NEK7: variants seen among roughly 807,000 people sequenced by gnomAD.
NEK7 encodes serine/threonine-protein kinase Nek7.
NEK7 carries 18 observed loss-of-function variants against 44.6 expected under a neutral mutation model. The observed-to-expected ratio is 0.40, with a 90% confidence interval of 0.28 to 0.60. NEK7 has a LOEUF of 0.60. NEK7 is among the 20% of genes least tolerant of loss of function. The pLI, the probability that NEK7 is intolerant of heterozygous loss-of-function variation, is 0.38. For synonymous variants in NEK7, 130 were observed against 121.1 expected (o/e 1.07, Z -0.48); for missense variants, 256 against 366.5 (o/e 0.70, Z 2.46).
intron 2 of NEK7, 57 bp from the exon 3 acceptor site, chr1:198,252,983 G>T: frequency 1.4e-6 from 2 of 1,409,994 alleles, no homozygotes; most frequent in Non-Finnish European, 2.0e-6. Context: ...ATCAGTGATT[G>T]TGTGTATTGC....
In NEK7 at chr1:198,195,053, T is replaced by C. The variant is rs115383326; in HGVS notation, c.-28-37500T>C. ...CTTTGACTGGTGTGAGACGAAGATATTGATATTTGATATTGACAGTGGAGA... is the reference window on the plus strand; with the variant it reads ...CTTTGACTGGTGTGAGACGAAGATACTGATATTTGATATTGACAGTGGAGA... On this transcript the variant is annotated intron_variant, in intron 1 of 9. Transcript: ENST00000367385. Among the ~76,000 whole-genome samples, 1,433 of 152,230 alleles carry C rather than the reference T, an allele frequency of 9.4e-3. 20 individuals carry two copies. The highest frequency in any genetic ancestry group is 0.028 in the African/African-American group (1,182 of 41,540).
At chr1:198,310,760 A>G (rs1263260058) in intron 9 of NEK7, among the ~76,000 whole-genome samples, 1 of 151,814 alleles carries the variant, frequency 6.6e-6, no homozygotes, top group Non-Finnish European at 1.5e-5. Flanking sequence ...GATACGTGGC[A>G]TTATTTCTGA....
intron 1 of NEK7, among the ~76,000 whole-genome samples, chr1:198,180,974 G>A (rs1447626496): frequency 6.6e-6 from 1 of 151,910 alleles, no homozygotes; most frequent in Non-Finnish European, 1.5e-5. Flanking sequence ...ATATCTATGT[G>A]GAAAAGGTCA....
chr1:198,195,194 A>C (rs1665196023), intron 1 of NEK7, among the ~76,000 whole-genome samples: 1 of 152,106 alleles, frequency 6.6e-6, no homozygotes, highest in Non-Finnish European at 1.5e-5. Context: ...CTGAATTGCT[A>C]GGGCGATTGG....
At chr1:198,231,320 T>TATATATATATAA (rs1666390261) in intron 1 of NEK7, among the ~76,000 whole-genome samples, 1 of 142,938 alleles carries the variant, frequency 7.0e-6, no homozygotes, top group African/African-American at 2.6e-5. Flanking sequence ...TATATATATA[T>TATATATATATAA]ATATATATAT....
intron 7 of NEK7, among the ~76,000 whole-genome samples, chr1:198,282,752 G>T (rs923996221): frequency 6.6e-6 from 1 of 152,034 alleles, no homozygotes; most frequent in Non-Finnish European, 1.5e-5. Flanking sequence ...AGTTCTCCAG[G>T]TACAATTTAT....
At chr1:198,235,286 T>G (rs892115668) in intron 2 of NEK7, among the ~76,000 whole-genome samples, 1 of 152,160 alleles carries the variant, frequency 6.6e-6, no homozygotes, top group African/African-American at 2.4e-5. Context: ...CAGTGTAAGT[T>G]CCTTTTGTTT....
chr1:198,199,692 TTATTTC>T lies in NEK7; in HGVS notation c.-28-32858_-28-32853del, dbSNP rs528661093. 1.3e-4 allele frequency among the ~76,000 whole-genome samples: 20 copies of T among 152,308 alleles called. No individual in the cohort carries two copies. The East Asian group carries it at 2.3e-3, about 18-fold the overall frequency. On this transcript the variant is annotated intron_variant, in intron 1 of 9. Coordinates refer to ENST00000367385, the MANE Select transcript of NEK7 (RefSeq NM_133494.3). ...TATTATTTTTATGAAATATTCCTCTTTATTTCTAATTCTTTTGGTCTTAAAAGCTAC... is the reference window on the plus strand; with the variant it reads ...TATTATTTTTATGAAATATTCCTCTTTAATTCTTTTGGTCTTAAAAGCTAC...
intron 7 of NEK7, among the ~76,000 whole-genome samples, chr1:198,280,809 A>T (rs114683252): frequency 0.018 from 2,764 of 149,740 alleles, 36 homozygotes; most frequent in Non-Finnish European, 0.027. Flanking sequence ...ATAAATAAAC[A>T]TATGCTCATG....
At chr1:198,311,270 AT>A (rs536522126) in intron 9 of NEK7, among the ~76,000 whole-genome samples, 1,753 of 114,264 alleles carry the variant, frequency 0.015, 32 homozygotes, top group African/African-American at 0.069. Flanking sequence ...AATGCTTGTG[AT>A]TTTTGTACAT....
chr1:198,206,844 A>G (rs1286385320), intron 1 of NEK7: 2 of 152,140 alleles, frequency 1.3e-5, no homozygotes, highest in Non-Finnish European at 2.9e-5. Context: ...TTAGTTAATA[A>G]CCATAGGCAT....
chr1:198,262,798 AT>A (rs1475069039), intron 4 of NEK7, among the ~76,000 whole-genome samples, 161 bp downstream of exon 4: 1 of 151,892 alleles, frequency 6.6e-6, no homozygotes, highest in Non-Finnish European at 1.5e-5. Context: ...GAATGTAGTT[AT>A]TTTTTGGATT....
chr1:198,272,728 A>G (rs1252081487), intron 5 of NEK7, among the ~76,000 whole-genome samples: 2 of 151,882 alleles, frequency 1.3e-5, no homozygotes. Context: ...ACTTCTCTTA[A>G]GAATTATTCA....
intron 3 of NEK7, chr1:198,256,241 C>CA (rs1653259173): frequency 7.2e-7 from 1 of 1,388,718 alleles, no homozygotes; most frequent in Non-Finnish European, 9.4e-7. Context: ...TTTTTAAGGC[C>CA]CTTCCCTACT....
intron 1 of NEK7, among the ~76,000 whole-genome samples, chr1:198,179,813 GTA>G (rs1558044076): frequency 2.8e-4 from 35 of 126,970 alleles, no homozygotes; most frequent in African/African-American, 9.2e-4. Context: ...GTGTGTGTGT[GTA>G]TGTATGTGTG....
intron 5 of NEK7, among the ~76,000 whole-genome samples, chr1:198,271,275 G>A (rs1230514990): frequency 6.6e-6 from 1 of 151,924 alleles, no homozygotes; most frequent in Non-Finnish European, 1.5e-5. Flanking sequence ...CATATGAAAT[G>A]GGAGAGTAAT....
chr1:198,277,507 T>A (rs1654052498), intron 5 of NEK7, among the ~76,000 whole-genome samples: 1 of 151,888 alleles, frequency 6.6e-6, no homozygotes, highest in Non-Finnish European at 1.5e-5. Context: ...TAATTTTTAA[T>A]AAATTATGAT....
intron 1 of NEK7, among the ~76,000 whole-genome samples, chr1:198,158,839 C>T (rs1663999785): frequency 1.3e-5 from 2 of 152,150 alleles, no homozygotes; most frequent in Non-Finnish European, 2.9e-5. Flanking sequence ...ACTCTTAGAA[C>T]AGCGGCATCC....
intron 5 of NEK7, among the ~76,000 whole-genome samples, chr1:198,267,805 C>T (rs933040060): frequency 2.6e-5 from 4 of 152,064 alleles, no homozygotes; most frequent in Non-Finnish European, 4.4e-5. Context: ...CCACCCTCAC[C>T]TCTGCCTGCC....
Sources: gnomAD v4.1 joint callset for allele counts (sites outside exome capture counted in the v4.1 genomes callset) on GRCh38, gnomAD v4.1.1 for gene constraint, MANE v1.5 for transcripts, NCBI Gene and HGNC (gene_info 2026-07-23, HGNC 2026-07-21) for gene names.